Variants in GPHN observed in about 807,000 individuals in gnomAD.
GPHN encodes gephyrin.
In GPHN, 17 loss-of-function variants were observed where a neutral mutation model predicts 95.5. The ratio of observed to expected loss-of-function variants is 0.18; its 90% confidence interval spans 0.12 to 0.27. The LOEUF is 0.27. GPHN is among the 10% of genes least tolerant of loss of function. GPHN has a pLI of 1.00. For missense variants in GPHN, 660 were observed against 978.1 expected, an observed-to-expected ratio of 0.67 and a Z score of 4.34; for synonymous variants, 320 against 322.5, an observed-to-expected ratio of 0.99 and a Z score of 0.08.
chr14:66,991,255 A>G (rs190376628), intron 9 of GPHN, among the ~76,000 whole-genome samples: 1 of 152,296 alleles, frequency 6.6e-6, no homozygotes, highest in Non-Finnish European at 1.5e-5. Flanking sequence ...TAAAATCATC[A>G]TCTTGTACCT....
chr14:67,176,857 T>C lies in GPHN; in HGVS notation c.2080-2721T>C, dbSNP rs567065278. ...CATTTCTTCTACATTTTCTAGTTTA[T>C]TTGCATAGAGGTATTTATAGTATTC... On this transcript the variant is annotated intron_variant, in intron 21 of 22. Transcript: ENST00000478722. 7.2e-5 allele frequency among the ~76,000 whole-genome samples: 11 copies of C among 152,374 alleles called. No individual in the cohort carries two copies. In the East Asian group the frequency reaches 2.1e-3, roughly 29 times the overall value.
the GPHN span, among the ~76,000 whole-genome samples, chr14:67,732,446 T>C: frequency 5.7e-5 from 6 of 104,842 alleles, no homozygotes; most frequent in Admixed American, 5.2e-4. Context: ...AAAAAAAAAA[T>C]CCTCCTCAAA....
At chr14:67,030,834 T>A (rs1042986727) in intron 10 of GPHN, among the ~76,000 whole-genome samples, 8 of 152,082 alleles carry the variant, frequency 5.3e-5, no homozygotes, top group African/African-American at 1.9e-4. Context: ...TCTCTCTCAA[T>A]AAGAGTTGAT....
At chr14:66,867,771 C>G (rs528880331) in intron 4 of GPHN, among the ~76,000 whole-genome samples, 5 of 152,264 alleles carry the variant, frequency 3.3e-5, no homozygotes, top group Admixed American at 3.3e-4. Context: ...ACATTTATGT[C>G]AGTCTACAAA....
At chr14:66,624,483 C>T (rs1317723409) in intron 1 of GPHN, among the ~76,000 whole-genome samples, 1 of 152,162 alleles carries the variant, frequency 6.6e-6, no homozygotes, top group Non-Finnish European at 1.5e-5. Context: ...GGGTCTGGTT[C>T]TCTGATAGCT....
chr14:67,149,306 T>C (rs2081101272), intron 18 of GPHN, among the ~76,000 whole-genome samples: 1 of 152,206 alleles, frequency 6.6e-6, no homozygotes, highest in Non-Finnish European at 1.5e-5. Context: ...ATCATGCCAT[T>C]GCACTCTAGC....
At chr14:67,047,364 T>TGTGTGTGTGTG (rs1567253693) in intron 10 of GPHN, among the ~76,000 whole-genome samples, 1 of 47,850 alleles carries the variant, frequency 2.1e-5, no homozygotes, top group African/African-American at 7.5e-5. Context: ...GTGTGTGTGT[T>TGTGTGTGTGTG]TGTTTTTTTT....
At chr14:66,925,013 A>G (rs1330328980) in intron 8 of GPHN, among the ~76,000 whole-genome samples, 2 of 152,134 alleles carry the variant, frequency 1.3e-5, no homozygotes, top group Non-Finnish European at 2.9e-5. Flanking sequence ...AGAAATAATA[A>G]AGTGAAATTT....
At chr14:66,544,377 AG>A (rs544621374) in intron 1 of GPHN, among the ~76,000 whole-genome samples, 10 of 152,106 alleles carry the variant, frequency 6.6e-5, no homozygotes, top group Non-Finnish European at 1.5e-4. Context: ...TTGCTGTTTA[AG>A]GTAATTCTTA....
intron 9 of GPHN, among the ~76,000 whole-genome samples, chr14:67,012,377 C>T (rs2073061231): frequency 6.6e-6 from 1 of 152,032 alleles, no homozygotes; most frequent in African/African-American, 2.4e-5. Flanking sequence ...CCTTCATTGA[C>T]TTTTATGAAA....
At chr14:67,588,173 G>A in the GPHN span, 17 of 152,678 alleles carry the variant, frequency 1.1e-4, no homozygotes. Context: ...ACCACGCAAT[G>A]TGCAAGCAAG....
the GPHN span, chr14:67,347,518 T>G: frequency 4.5e-6 from 5 of 1,102,356 alleles, no homozygotes; most frequent in Non-Finnish European, 6.7e-6. Context: ...TTTTTTTTTC[T>G]GAGACGGAGT....
the GPHN span, among the ~76,000 whole-genome samples, chr14:67,242,369 A>G: frequency 6.6e-6 from 1 of 152,202 alleles, no homozygotes; most frequent in African/African-American, 2.4e-5. Flanking sequence ...AAGAATTTAG[A>G]TTTGGAAAGT....
the GPHN span, chr14:67,588,685 C>T: frequency 6.6e-6 from 1 of 152,466 alleles, no homozygotes. Flanking sequence ...TATTTCCTAG[C>T]TCTAAGGCAG....
downstream of GPHN, among the ~76,000 whole-genome samples, chr14:67,186,494 C>T (rs1315938232): frequency 6.6e-6 from 1 of 152,156 alleles, no homozygotes; most frequent in Non-Finnish European, 1.5e-5. Context: ...CTAGAGGAAG[C>T]AACTACCACA....
At chr14:66,751,084 C>T (rs1034481763) in intron 2 of GPHN, among the ~76,000 whole-genome samples, 1 of 151,886 alleles carries the variant, frequency 6.6e-6, no homozygotes, top group Non-Finnish European at 1.5e-5. Context: ...TTAGTACTTA[C>T]ATTTTCGTCA....
the GPHN span, among the ~76,000 whole-genome samples, chr14:67,699,869 C>T: frequency 1.9e-4 from 29 of 152,194 alleles, no homozygotes; most frequent in East Asian, 2.1e-3. Flanking sequence ...AGGCTGGGCG[C>T]GGTGGCTCAC....
At chr14:67,483,146 G>A in the GPHN span, among the ~76,000 whole-genome samples, 2 of 152,196 alleles carry the variant, frequency 1.3e-5, 1 homozygote, top group South Asian at 4.2e-4. Context: ...AAGAGGCTGG[G>A]ATTATAGGTT....
chr14:67,417,267 A>C, the GPHN span, among the ~76,000 whole-genome samples: 4 of 152,184 alleles, frequency 2.6e-5, no homozygotes, highest in Non-Finnish European at 5.9e-5. Context: ...ATAGCATACA[A>C]AGAGTTGTTT....
Sources: gnomAD v4.1 joint callset for allele counts (sites outside exome capture counted in the v4.1 genomes callset) on GRCh38, gnomAD v4.1.1 for gene constraint, MANE v1.5 for transcripts, NCBI Gene and HGNC (gene_info 2026-07-23, HGNC 2026-07-21) for gene names.